The following DOCK8 variants were observed in gnomAD, a reference collection of about 807,000 sequenced individuals.
DOCK8 encodes dedicator of cytokinesis protein 8.
DOCK8 carries 141 observed loss-of-function variants against 245.6 expected under a neutral mutation model. The observed-to-expected ratio is 0.57, with a 90% CI of 0.50 to 0.66. DOCK8 has a LOEUF of 0.66. Among genes scored for constraint, DOCK8 ranks in the 30% least tolerant of loss-of-function variants. The pLI is 0.00. For synonymous variants in DOCK8, 1,168 were observed against 970.2 expected (o/e 1.20, Z -3.79); for missense variants, 2,965 against 2,603.4 (o/e 1.14, Z -3.02).
intron 26 of DOCK8, among the ~76,000 whole-genome samples, chr9:399,812 T>G (rs1367991450): frequency 1.1e-4 from 16 of 151,960 alleles, no homozygotes; most frequent in Non-Finnish European, 4.4e-5. Flanking sequence ...ATGTGCTGTC[T>G]CCCTCAAACT....
At chr9:430,235 G>C (rs566951217) in intron 36 of DOCK8, among the ~76,000 whole-genome samples, 7 of 152,168 alleles carry the variant, frequency 4.6e-5, no homozygotes, top group African/African-American at 1.7e-4. Context: ...ATAGCCAGAT[G>C]TGTTGGCGCA....
At chr9:439,449 C>CT in intron 40 of DOCK8, 61 bp downstream of exon 40, 1 of 1,597,934 alleles carries the variant, frequency 6.3e-7, no homozygotes, top group Non-Finnish European at 8.5e-7. Flanking sequence ...ACTTGGGGTG[C>CT]TGGGAACACC....
In DOCK8 at chr9:386,410, G is replaced by A; in HGVS notation, c.2858G>A (p.Arg953Lys). The change falls in exon 23 of 48, where the codon AGG becomes AAG. Residue 953 changes from arginine to lysine, a missense_variant. By Grantham distance (26) the Arg-to-Lys change is conservative. This residue lies in a region of DOCK8 where 2,825 missense variants were observed against 2,453.5 expected (regional missense o/e 1.15). Coordinates refer to ENST00000432829, the MANE Select transcript of DOCK8 (RefSeq NM_203447.4). Reference sequence around the variant, plus strand: ...GCTCCAAGTTCACCTGCAGCCCCAAGGCCAGCCAGCAAAAAGGTACTGAAG... The same window carrying A: ...GCTCCAAGTTCACCTGCAGCCCCAAAGCCAGCCAGCAAAAAGGTACTGAAG... ...SDAPSSPAAP[R>K]PASKKHFHEE... The A allele has an allele frequency of 1.2e-6, 2 of 1,613,588 alleles. No homozygotes were observed. The highest frequency in any genetic ancestry group is 1.7e-6 in the Non-Finnish European group (2 of 1,179,726).
chr9:351,085 G>A, intron 14 of DOCK8, among the ~76,000 whole-genome samples: 1 of 152,190 alleles, frequency 6.6e-6, no homozygotes, highest in African/African-American at 2.4e-5. Flanking sequence ...ATGGCCAACA[G>A]GGGATGCCAG....
At chr9:298,185 G>A (rs1399757275) in intron 4 of DOCK8, among the ~76,000 whole-genome samples, 1 of 152,220 alleles carries the variant, frequency 6.6e-6, no homozygotes, top group Non-Finnish European at 1.5e-5. Flanking sequence ...AGCACTTTGG[G>A]AGGCAGAGGC....
chr9:402,922 C>G (rs1283373997), intron 26 of DOCK8, among the ~76,000 whole-genome samples: 3 of 152,172 alleles, frequency 2.0e-5, no homozygotes, highest in African/African-American at 7.2e-5. Flanking sequence ...TGGAGTCTTA[C>G]TCTGTTGCCC....
intron 26 of DOCK8, among the ~76,000 whole-genome samples, chr9:400,886 A>T (rs1346604483): frequency 3.5e-5 from 4 of 113,438 alleles, no homozygotes; most frequent in South Asian, 5.8e-4. Context: ...CACCTCCACC[A>T]CCACCACCTC....
intron 28 of DOCK8, among the ~76,000 whole-genome samples, chr9:413,050 C>G (rs1241399346): frequency 6.6e-6 from 1 of 151,942 alleles, no homozygotes; most frequent in Non-Finnish European, 1.5e-5. Flanking sequence ...GGGGTTCTGA[C>G]ATATGATAGA....
At chr9:391,329 A>G (rs909207294) in intron 24 of DOCK8, among the ~76,000 whole-genome samples, 3 of 151,896 alleles carry the variant, frequency 2.0e-5, no homozygotes, top group Admixed American at 1.3e-4. Flanking sequence ...ACAATTTCTA[A>G]TTGTTTTTTC....
chr9:259,508 A>G (rs894824137), intron 1 of DOCK8, among the ~76,000 whole-genome samples: 1 of 152,186 alleles, frequency 6.6e-6, no homozygotes, highest in African/African-American at 2.4e-5. Flanking sequence ...CTTGGGTTCA[A>G]ATCCTCCAGA....
chr9:428,289 G>A lies in DOCK8; in HGVS notation c.4339-73G>A, dbSNP rs2056572864. The A allele has an allele frequency of 9.3e-6, 15 of 1,610,430 alleles. No individual in the cohort carries two copies. In the South Asian group the frequency reaches 9.9e-5, roughly 11 times the overall value. On this transcript the variant is annotated intron_variant, in intron 34 of 47. Coordinates refer to ENST00000432829, the MANE Select transcript of DOCK8 (RefSeq NM_203447.4). ...GGACATGGAACATCAGCATTACTGA[G>A]CTAATTGTCAGGAACATCCAGTTCA...
At chr9:448,894 C>T (rs944713488) in intron 44 of DOCK8, among the ~76,000 whole-genome samples, 12 of 152,166 alleles carry the variant, frequency 7.9e-5, no homozygotes, top group African/African-American at 2.9e-4. Flanking sequence ...TACCCCAAAC[C>T]AGCAGAACTT....
rs2131813699 is a variant in DOCK8 at position 441,930 on chromosome 9, T to G, written c.5411T>G (p.Phe1804Cys). 1 of 1,614,102 alleles carries G rather than the reference T, an allele frequency of 6.2e-7. No individual in the cohort carries two copies. Among genetic ancestry groups the G allele is most frequent in the Non-Finnish European group, 8.5e-7 (1 of 1,180,008 alleles). Reference sequence around the variant, plus strand: ...CGAGTTGGTTTCTTTGGATCCAAATTTGGGGATTTGGATGAACAGGAGTTT... The same window carrying G: ...CGAGTTGGTTTCTTTGGATCCAAATGTGGGGATTTGGATGAACAGGAGTTT... ...YFRVGFFGSK[F>C]GDLDEQEFVY... Residue 1804 changes from phenylalanine to cysteine, a missense_variant, in exon 42 of 48, where the codon TTT becomes TGT. Phe to Cys is a radical substitution (Grantham distance 205). Coordinates refer to ENST00000432829, the MANE Select transcript of DOCK8 (RefSeq NM_203447.4).
chr9:275,003 T>C (rs2048286530), intron 2 of DOCK8, among the ~76,000 whole-genome samples: 1 of 152,226 alleles, frequency 6.6e-6, no homozygotes, highest in African/African-American at 2.4e-5. Context: ...TTGTTGCTGC[T>C]GTTTTGCAAG....
chr9:230,752 G>T (rs2047096478), intron 1 of DOCK8, among the ~76,000 whole-genome samples: 1 of 151,966 alleles, frequency 6.6e-6, no homozygotes, highest in East Asian at 1.9e-4. Flanking sequence ...GGGGTTGTTT[G>T]TTTTTTTCTT....
chr9:425,099 T>C (rs548230254), intron 33 of DOCK8, among the ~76,000 whole-genome samples: 1 of 152,348 alleles, frequency 6.6e-6, no homozygotes, highest in East Asian at 1.9e-4. Flanking sequence ...AAACAAAATA[T>C]ATTAAAAATA....
intron 2 of DOCK8, among the ~76,000 whole-genome samples, chr9:274,003 G>T (rs1015802120): frequency 6.6e-6 from 1 of 152,214 alleles, no homozygotes; most frequent in East Asian, 1.9e-4. Flanking sequence ...ACCATGCCCG[G>T]CCACCAGCTT....
intron 14 of DOCK8, among the ~76,000 whole-genome samples, chr9:341,759 G>A (rs1335155712): frequency 6.6e-6 from 1 of 152,174 alleles, no homozygotes; most frequent in Non-Finnish European, 1.5e-5. Flanking sequence ...GGCCTGTTAG[G>A]AACCAGGCTG....
chr9:396,938 A>G lies in DOCK8; in HGVS notation c.3120+4A>G. The G allele has an allele frequency of 2.5e-6, 4 of 1,613,394 alleles. No individual in the cohort carries two copies. Among genetic ancestry groups the G allele is most frequent in the East Asian group, 2.2e-5 (1 of 44,888 alleles). On this transcript the variant is annotated splice_donor_region_variant and intron_variant, in intron 25 of 47. Coordinates refer to ENST00000432829, the MANE Select transcript of DOCK8 (RefSeq NM_203447.4). ...CCTTTTAGTAAAACCACAGAAGGTAACTGTATTTTACTCTTTATTTTCTAA... is the reference window on the plus strand; with the variant it reads ...CCTTTTAGTAAAACCACAGAAGGTAGCTGTATTTTACTCTTTATTTTCTAA...
Sources: gnomAD v4.1 joint callset for allele counts (sites outside exome capture counted in the v4.1 genomes callset) on GRCh38, gnomAD v4.1.1 for gene constraint, gnomAD v4.1.1 regional missense constraint, MANE v1.5 for transcripts, NCBI Gene and HGNC (gene_info 2026-07-23, HGNC 2026-07-21) for gene names.